PPP1R1C: variants seen among roughly 807,000 people sequenced by gnomAD.
The protein encoded by PPP1R1C is protein phosphatase 1 regulatory subunit 1C.
A neutral mutation model predicts 17.4 loss-of-function variants in PPP1R1C; 15 were observed. The observed-to-expected ratio is 0.86, with a 90% CI of 0.58 to 1.33. The LOEUF is 1.33. Among genes scored for constraint, PPP1R1C ranks in the 40% most tolerant of loss-of-function variants. The pLI, the probability that PPP1R1C is intolerant of heterozygous loss-of-function variation, is 0.00. For missense variants in PPP1R1C, 143 were observed against 130.0 expected (o/e 1.10, Z -0.48); for synonymous variants, 35 against 43.1 (o/e 0.81, Z 0.73).
exon 6 of PPP1R1C, chr2:182,129,676 TAA>T (rs1689960092): frequency 6.6e-6 from 1 of 152,060 alleles, no homozygotes; most frequent in Non-Finnish European, 1.5e-5. Flanking sequence ...CCAAAGAAAA[TAA>T]GTGTCCCCAA....
intron 4 of PPP1R1C, among the ~76,000 whole-genome samples, chr2:182,068,120 G>GT (rs1688039952): frequency 1.3e-5 from 2 of 152,036 alleles, no homozygotes; most frequent in Admixed American, 1.3e-4. Context: ...GCTTTAGTGT[G>GT]TTTGGGCCTG....
intron 1 of PPP1R1C, among the ~76,000 whole-genome samples, chr2:181,966,936 G>A (rs1437730836): frequency 6.6e-6 from 1 of 152,128 alleles, no homozygotes; most frequent in Non-Finnish European, 1.5e-5. Flanking sequence ...CATGGGGGGT[G>A]CTTGGCTTTT....
intron 4 of PPP1R1C, among the ~76,000 whole-genome samples, chr2:182,071,235 A>T (rs571633206): frequency 2.0e-5 from 3 of 152,204 alleles, no homozygotes; most frequent in African/African-American, 7.2e-5. Flanking sequence ...ATGTCTCCTT[A>T]GGCTCCTCTG....
intron 4 of PPP1R1C, among the ~76,000 whole-genome samples, chr2:182,085,292 G>A (rs1688596818): frequency 6.6e-6 from 1 of 151,728 alleles, no homozygotes; most frequent in Admixed American, 6.6e-5. Flanking sequence ...ACTTCCTGAA[G>A]GTAAAACTTA....
chr2:181,974,975 A>G (rs1001214835), intron 1 of PPP1R1C, among the ~76,000 whole-genome samples: 1 of 152,204 alleles, frequency 6.6e-6, no homozygotes, highest in African/African-American at 2.4e-5. Flanking sequence ...TGATACCTGC[A>G]AAATAAATGA....
intron 2 of PPP1R1C, chr2:182,030,875 C>T (rs909918508): frequency 2.2e-4 from 35 of 157,074 alleles, no homozygotes; most frequent in African/African-American, 4.1e-4. Context: ...ACTCTGTGGG[C>T]GTAGGACCCT....
chr2:182,080,281 TG>T (rs1351322618), intron 4 of PPP1R1C, among the ~76,000 whole-genome samples: 1 of 152,216 alleles, frequency 6.6e-6, no homozygotes, highest in Non-Finnish European at 1.5e-5. Context: ...CATCTAAAAC[TG>T]CCTTTATGTT....
chr2:182,124,705 T>C (rs1271832139), intron 5 of PPP1R1C, among the ~76,000 whole-genome samples: 1 of 152,176 alleles, frequency 6.6e-6, no homozygotes, highest in Non-Finnish European at 1.5e-5. Flanking sequence ...TTGTCTATTA[T>C]TGGTGTATAG....
chr2:181,973,787 C>G (rs1171324508), intron 1 of PPP1R1C, among the ~76,000 whole-genome samples: 1 of 152,090 alleles, frequency 6.6e-6, no homozygotes, highest in Admixed American at 6.5e-5. Flanking sequence ...AGGATGAATA[C>G]AGCATGTAAT....
intron 2 of PPP1R1C, among the ~76,000 whole-genome samples, chr2:182,046,061 T>G (rs1687333782): frequency 6.6e-6 from 1 of 152,052 alleles, no homozygotes; most frequent in South Asian, 2.1e-4. Context: ...GTATCTCATA[T>G]AGTTACTTTT....
chr2:181,982,491 T>C (rs1466844923), upstream of PPP1R1C, among the ~76,000 whole-genome samples: 1 of 152,180 alleles, frequency 6.6e-6, no homozygotes, highest in Non-Finnish European at 1.5e-5. Flanking sequence ...ATTTGCAGTC[T>C]AGGAGAAGAG....
At chr2:182,126,984 T>C (rs570656086) in intron 5 of PPP1R1C, among the ~76,000 whole-genome samples, 9 of 152,212 alleles carry the variant, frequency 5.9e-5, no homozygotes, top group African/African-American at 1.9e-4. Flanking sequence ...GGGTTTTCCC[T>C]TTTCTCTGAA....
At chr2:182,043,410 G>C (rs1356644381) in intron 2 of PPP1R1C, among the ~76,000 whole-genome samples, 1 of 151,992 alleles carries the variant, frequency 6.6e-6, no homozygotes, top group Non-Finnish European at 1.5e-5. Context: ...CAAGCAAAAG[G>C]ATATCTGATT....
intron 2 of PPP1R1C, among the ~76,000 whole-genome samples, chr2:182,001,660 G>A (rs1685770587): frequency 6.6e-6 from 1 of 151,924 alleles, no homozygotes; most frequent in African/African-American, 2.4e-5. Flanking sequence ...TATTTCCTTT[G>A]TTAGCAATAA....
intron 1 of PPP1R1C, among the ~76,000 whole-genome samples, chr2:181,960,320 C>A (rs1559038034): frequency 6.6e-6 from 1 of 152,228 alleles, no homozygotes; most frequent in Non-Finnish European, 1.5e-5. Flanking sequence ...CCAAAGCCTG[C>A]CTCTGCTCAT....
At chr2:181,988,364 A>G (rs1685363087) in intron 2 of PPP1R1C, among the ~76,000 whole-genome samples, 1 of 152,258 alleles carries the variant, frequency 6.6e-6, no homozygotes, top group African/African-American at 2.4e-5. Context: ...ATCTCTGAAT[A>G]ATGCAATTGA....
intron 4 of PPP1R1C, among the ~76,000 whole-genome samples, chr2:182,106,448 A>G (rs779365467): frequency 1.3e-5 from 2 of 152,160 alleles, no homozygotes; most frequent in African/African-American, 4.8e-5. Context: ...ACCAAGGGGA[A>G]TTTGGTTGAG....
intron 4 of PPP1R1C, among the ~76,000 whole-genome samples, chr2:182,065,232 G>A (rs1366528463): frequency 6.6e-6 from 1 of 151,982 alleles, no homozygotes; most frequent in African/African-American, 2.4e-5. Flanking sequence ...GTTTCAAGAG[G>A]ATATCAGGGT....
intron 1 of PPP1R1C, among the ~76,000 whole-genome samples, chr2:181,954,903 A>G (rs926428180): frequency 7.2e-5 from 11 of 152,168 alleles, no homozygotes; most frequent in African/African-American, 2.2e-4. Context: ...AGTTAAAAAC[A>G]TGGGTTCCAT....
Sources: allele counts gnomAD v4.1 joint callset (sites outside exome capture counted in the v4.1 genomes callset), GRCh38; gene constraint gnomAD v4.1.1; transcripts MANE v1.5; gene names NCBI Gene and HGNC (gene_info 2026-07-23, HGNC 2026-07-21).